EXOSC7: variants seen among roughly 807,000 people sequenced by gnomAD.
EXOSC7 encodes the protein exosome component 7.
A neutral mutation model predicts 34.3 loss-of-function variants in EXOSC7; 25 were observed. The ratio of observed to expected loss-of-function variants is 0.73; its 90% CI spans 0.53 to 1.02. The LOEUF is 1.02. Among genes scored for constraint, EXOSC7 ranks in the 50% least tolerant of loss-of-function variants. EXOSC7 has a pLI of 0.00. For synonymous variants in EXOSC7, 130 were observed against 143.0 expected (o/e 0.91, Z 0.65); for missense variants, 370 against 368.5 (o/e 1.00, Z -0.03).
intron 7 of EXOSC7, among the ~76,000 whole-genome samples, chr3:45,008,662 A>C (rs1033312788): frequency 6.6e-6 from 1 of 152,216 alleles, no homozygotes; most frequent in East Asian, 1.9e-4. Flanking sequence ...AGTGCCTGAT[A>C]TGTCATCAGT....
intron 6 of EXOSC7, among the ~76,000 whole-genome samples, chr3:45,006,662 C>G (rs569326951): frequency 6.4e-4 from 97 of 151,158 alleles, no homozygotes; most frequent in Middle Eastern, 3.4e-3. Context: ...ATGATCTGCC[C>G]GCCTCGGCCT....
At position 45,011,217 on chromosome 3, in the gene EXOSC7, C is replaced by T. The variant is rs1340959355; in HGVS notation, c.772-18C>T. On this transcript the variant is annotated intron_variant, in intron 7 of 7. Coordinates refer to ENST00000265564, the MANE Select transcript of EXOSC7 (RefSeq NM_015004.4). ...CCTTACAAGGGGGTGTGTGCTCTCT[C>T]CCGTCCCTTCTCCACAGACTGGCAA... 2 of 1,551,650 alleles carry T rather than the reference C, an allele frequency of 1.3e-6. No homozygotes were observed. The highest frequency in any genetic ancestry group is 1.7e-5 in the Admixed American group (1 of 57,846).
At chr3:45,006,524 C>T (rs1331492045) in intron 6 of EXOSC7, among the ~76,000 whole-genome samples, 1 of 145,808 alleles carries the variant, frequency 6.9e-6, no homozygotes, top group African/African-American at 2.5e-5. Flanking sequence ...TCACGCCATT[C>T]TCCTGCCTCA....
chr3:45,009,275 T>TA (rs1342154169), intron 7 of EXOSC7, among the ~76,000 whole-genome samples: 1 of 152,212 alleles, frequency 6.6e-6, no homozygotes, highest in Admixed American at 6.5e-5. Flanking sequence ...TCTTACTGTT[T>TA]ATCTCACACA....
In EXOSC7 at chr3:44,989,150, G is replaced by A. The variant is rs763272453; in HGVS notation, c.68G>A (p.Arg23His). The change falls in exon 2 of 8, where the codon CGT (arginine) becomes CAT (histidine). Residue 23 changes from arginine to histidine, a missense_variant. Physicochemically the swap from Arg to His is conservative, Grantham distance 29. This residue lies in a region of EXOSC7 where 95 missense variants were observed against 79.8 expected (regional missense o/e 1.19). Transcript: ENST00000265564. ...YIVHGVQEDL[R>H]VDGRGCEDYR... is the part of the protein sequence containing the mutation. Reference sequence around the variant, plus strand: ...GTTGTTAACACCTAGGAAGACCTCCGTGTGGATGGCCGTGGCTGTGAGGAC... The same window carrying A: ...GTTGTTAACACCTAGGAAGACCTCCATGTGGATGGCCGTGGCTGTGAGGAC... 5.6e-6 allele frequency: 9 copies of A among 1,613,820 alleles called. No individual in the cohort carries two copies. The highest frequency in any genetic ancestry group is 2.2e-5 in the South Asian group (2 of 91,080).
intron 1 of EXOSC7, among the ~76,000 whole-genome samples, chr3:44,984,543 G>A (rs1003084110): frequency 2.8e-4 from 42 of 152,208 alleles, no homozygotes; most frequent in Admixed American, 1.6e-3. Flanking sequence ...CTGTGAAGGA[G>A]GTCTCTGCTG....
chr3:44,982,966 G>A (rs990439204), intron 1 of EXOSC7, among the ~76,000 whole-genome samples: 1 of 152,244 alleles, frequency 6.6e-6, no homozygotes, highest in African/African-American at 2.4e-5. Flanking sequence ...GCGGGGGGCA[G>A]TCACCTTCTA....
At chr3:45,008,989 C>T (rs1300065498) in intron 7 of EXOSC7, among the ~76,000 whole-genome samples, 1 of 152,220 alleles carries the variant, frequency 6.6e-6, no homozygotes, top group East Asian at 1.9e-4. Context: ...CTCATTTTTA[C>T]AGATGAGGAA....
chr3:44,999,986 C>T (rs1201475572), intron 4 of EXOSC7, among the ~76,000 whole-genome samples: 1 of 150,808 alleles, frequency 6.6e-6, no homozygotes, highest in East Asian at 1.9e-4. Flanking sequence ...GGGCACCCTG[C>T]CATGTTTTCA....
intron 3 of EXOSC7, among the ~76,000 whole-genome samples, chr3:44,993,250 T>TG (rs1310076567): frequency 9.9e-5 from 15 of 152,206 alleles, no homozygotes; most frequent in African/African-American, 3.4e-4. Flanking sequence ...GGTACCCATT[T>TG]ACAGGGAGGC....
intron 5 of EXOSC7, 171 bp from the exon 6 acceptor site, chr3:45,005,120 G>A (rs888298950): frequency 1.4e-5 from 9 of 650,866 alleles, no homozygotes; most frequent in Admixed American, 1.1e-4. Context: ...ATTGCACTGC[G>A]GCGCCTCCTG....
At chr3:44,986,958 A>C (rs1037814358) in intron 1 of EXOSC7, among the ~76,000 whole-genome samples, 1 of 152,076 alleles carries the variant, frequency 6.6e-6, no homozygotes, top group Non-Finnish European at 1.5e-5. Flanking sequence ...GGAAGCATCA[A>C]CTCCTTGGAG....
chr3:45,009,055 C>T (rs1210576118), intron 7 of EXOSC7, among the ~76,000 whole-genome samples: 1 of 152,164 alleles, frequency 6.6e-6, no homozygotes, highest in Non-Finnish European at 1.5e-5. Flanking sequence ...CTCATAAATA[C>T]TGGAGCTAGG....
At chr3:44,986,258 TC>T (rs1215265083) in intron 1 of EXOSC7, among the ~76,000 whole-genome samples, 1 of 152,146 alleles carries the variant, frequency 6.6e-6, no homozygotes, top group African/African-American at 2.4e-5. Flanking sequence ...AGGCTGCAGA[TC>T]CGGAGCCCTG....
chr3:44,990,542 C>G (rs1164692062), intron 3 of EXOSC7, among the ~76,000 whole-genome samples: 1 of 152,036 alleles, frequency 6.6e-6, no homozygotes, highest in Non-Finnish European at 1.5e-5. Flanking sequence ...GACCCTGTAT[C>G]AAGATCCCCA....
rs1707081334 is a variant in EXOSC7, at chr3:45,007,430, G to A, written c.626G>A (p.Arg209Gln). ...CIVTLCKIGYRHVVDATLQEE... is the reference protein window; with the variant it reads ...CIVTLCKIGYQHVVDATLQEE... Reference sequence around the variant, plus strand: ...ACCCTGCCTTTGCAGATTGGCTATCGGCATGTGGTGGATGCTACTCTTCAG... The same window carrying A: ...ACCCTGCCTTTGCAGATTGGCTATCAGCATGTGGTGGATGCTACTCTTCAG... Residue 209 changes from arginine (R) to glutamine (Q), a missense_variant, in exon 7 of 8, where the codon CGG becomes CAG. Transcript: ENST00000265564. 4.3e-6 allele frequency: 7 copies of A among 1,614,106 alleles called. No individual in the cohort carries two copies. The highest frequency in any genetic ancestry group is 5.9e-6 in the Non-Finnish European group (7 of 1,180,008).
intron 7 of EXOSC7, among the ~76,000 whole-genome samples, chr3:45,009,397 C>T (rs562248461): frequency 4.6e-5 from 7 of 152,192 alleles, no homozygotes; most frequent in East Asian, 1.9e-4. Context: ...GATTCAGAGG[C>T]GTCAAGGCCC....
intron 4 of EXOSC7, among the ~76,000 whole-genome samples, chr3:44,998,969 G>A (rs77887774): frequency 0.023 from 3,440 of 152,244 alleles, 67 homozygotes; most frequent in Middle Eastern, 0.075. Context: ...AGAAGTTTAT[G>A]TCCCCTCCCC....
In EXOSC7 at chr3:44,989,185, G is replaced by A. The variant is rs375317948; in HGVS notation, c.103G>A (p.Val35Ile). 3 of 1,614,194 alleles carry A rather than the reference G, an allele frequency of 1.9e-6. No homozygotes were observed. Among genetic ancestry groups the A allele is most frequent in the Non-Finnish European group, 2.5e-6 (3 of 1,180,026 alleles). ...CCGTGGCTGTGAGGACTACCGATGT[G>A]TCGAAGTGGAAACTGATGTGGTGTC... ...DGRGCEDYRC[V>I]EVETDVVSNT... The change falls in exon 2 of 8, where the codon GTC becomes ATC. Residue 35 changes from valine (V) to isoleucine (I), a missense_variant. Physicochemically the swap from Val to Ile is conservative, Grantham distance 29. This residue lies in a region of EXOSC7 where 95 missense variants were observed against 79.8 expected (regional missense o/e 1.19). Coordinates refer to ENST00000265564, the MANE Select transcript of EXOSC7 (RefSeq NM_015004.4).
Sources: gnomAD v4.1 joint callset for allele counts (sites outside exome capture counted in the v4.1 genomes callset) on GRCh38, gnomAD v4.1.1 for gene constraint, gnomAD v4.1.1 regional missense constraint, MANE v1.5 for transcripts, NCBI Gene and HGNC (gene_info 2026-07-23, HGNC 2026-07-21) for gene names.